The following XKR4 variants were observed in gnomAD, a reference collection of about 807,000 sequenced individuals.
XKR4 encodes XK related 4.
Under a neutral mutation model 53.9 loss-of-function variants are expected in XKR4, and 12 were observed. The observed-to-expected ratio is 0.22, with a 90% CI of 0.14 to 0.36. The LOEUF is 0.36. XKR4 is among the 10% of genes least tolerant of loss of function. The probability of loss-of-function intolerance (pLI) is 1.00; values close to 1 mark genes in which losing one functional copy is unlikely to be tolerated. For synonymous variants in XKR4, 354 were observed against 362.4 expected (o/e 0.98, Z 0.26); for missense variants, 799 against 859.5 (o/e 0.93, Z 0.88).
intron 1 of XKR4, among the ~76,000 whole-genome samples, chr8:55,202,909 T>C (rs985876183): frequency 4.6e-5 from 7 of 151,976 alleles, no homozygotes; most frequent in Non-Finnish European, 5.9e-5. Context: ...TGCTGGCTCG[T>C]ACACCCTGAC....
At chr8:55,376,642 A>G (rs189048037) in intron 2 of XKR4, among the ~76,000 whole-genome samples, 7 of 152,162 alleles carry the variant, frequency 4.6e-5, no homozygotes, top group Admixed American at 3.9e-4. Flanking sequence ...TGTCAGATGG[A>G]TAGACATCAA....
In XKR4 at chr8:55,213,856, C is replaced by CTTTTTT. The variant is rs11433893; in HGVS notation, c.806+110584_806+110589dup. Among the ~76,000 whole-genome samples the CTTTTTT allele has an allele frequency of 1.9e-3, 159 of 82,358 alleles. 4 individuals carry two copies. Among genetic ancestry groups the CTTTTTT allele is most frequent in the African/African-American group, 3.9e-3 (77 of 19,978 alleles). 54.0% of individuals were successfully genotyped at this position (82,358 alleles called of 152,430 possible). A position where few individuals can be genotyped will look rare whatever the true frequency, so the allele number is the denominator to read the frequency against. On this transcript the variant is annotated intron_variant, in intron 1 of 2. Transcript: ENST00000327381. ...TTAATACTTCTTTTTTTCTTTCTTT[C>CTTTTTT]TTTTTTTTTTTTTTTTTTTTTTTTT...
rs1585582274 is a variant in XKR4 at position 55,454,023 on chromosome 8, G to A, written c.1007-69258G>A. The A allele has an allele frequency of 4.5e-6, 4 of 892,752 alleles. No homozygotes were observed. In the Admixed American group the frequency reaches 5.8e-5, roughly 13 times the overall value. The allele number at this position is 892,752 out of a possible 1,614,324, so 55.3% of individuals were successfully genotyped here. ...GGCTCCGGGTGAATGCACACGACGT[G>A]CAGGCACCAGAGATAGCCCTGCAGC... On this transcript the variant is annotated intron_variant, in intron 2 of 2. Transcript: ENST00000327381.
intron 1 of XKR4, among the ~76,000 whole-genome samples, chr8:55,172,472 A>C (rs1026982426): frequency 2.6e-5 from 4 of 152,198 alleles, no homozygotes; most frequent in Admixed American, 6.5e-5. Context: ...TTTCAAAATT[A>C]ATAAAATATA....
At chr8:55,272,857 A>G in intron 1 of XKR4, 1 of 436,716 alleles carries the variant, frequency 2.3e-6, no homozygotes, top group South Asian at 1.7e-5. Flanking sequence ...AATTTTAATT[A>G]GCTGTAGAAT....
chr8:55,145,713 A>G (rs560304234), intron 1 of XKR4, among the ~76,000 whole-genome samples: 1 of 152,366 alleles, frequency 6.6e-6, no homozygotes, highest in South Asian at 2.1e-4. Context: ...GGATTTTGAA[A>G]TAAACTTCTC....
chr8:55,378,155 CAT>C (rs984126828), intron 2 of XKR4, among the ~76,000 whole-genome samples: 8 of 152,188 alleles, frequency 5.3e-5, no homozygotes, highest in African/African-American at 1.4e-4. Context: ...ACTACATTAA[CAT>C]GTGTAGAATA....
intron 2 of XKR4, among the ~76,000 whole-genome samples, chr8:55,410,730 G>T (rs1804764679): frequency 6.6e-6 from 1 of 152,052 alleles, no homozygotes; most frequent in Non-Finnish European, 1.5e-5. Flanking sequence ...TGACATCCAG[G>T]TTTCCTCCCT....
chr8:55,205,467 A>C (rs1385980514), intron 1 of XKR4, among the ~76,000 whole-genome samples: 1 of 152,250 alleles, frequency 6.6e-6, no homozygotes, highest in East Asian at 1.9e-4. Flanking sequence ...AAATGTACTT[A>C]GGATGACAAC....
chr8:55,352,716 C>G (rs1393857789), intron 1 of XKR4, among the ~76,000 whole-genome samples: 1 of 152,092 alleles, frequency 6.6e-6, no homozygotes, highest in African/African-American at 2.4e-5. Flanking sequence ...GTGATTTTCC[C>G]CCTTTAAAGA....
chr8:55,378,862 C>T (rs1283826460), intron 2 of XKR4, among the ~76,000 whole-genome samples: 1 of 152,156 alleles, frequency 6.6e-6, no homozygotes, highest in African/African-American at 2.4e-5. Flanking sequence ...TCCCAACACC[C>T]CCTTCTAGCT....
At chr8:55,521,278 C>T (rs191407219) in intron 2 of XKR4, among the ~76,000 whole-genome samples, 31 of 152,342 alleles carry the variant, frequency 2.0e-4, no homozygotes, top group Admixed American at 7.2e-4. Flanking sequence ...TTAAAAAAGG[C>T]ACAATCTTTT....
At chr8:55,228,261 A>G (rs1202563245) in intron 1 of XKR4, among the ~76,000 whole-genome samples, 1 of 152,198 alleles carries the variant, frequency 6.6e-6, no homozygotes, top group African/African-American at 2.4e-5. Context: ...TGAGACCATC[A>G]CAATAGAGAC....
chr8:55,451,457 C>T lies in XKR4; in HGVS notation c.1007-71824C>T, dbSNP rs570951760. The T allele has an allele frequency of 7.5e-5, 94 of 1,251,132 alleles. No individual in the cohort carries two copies. In the South Asian group the frequency reaches 7.8e-4, roughly 10 times the overall value. 77.5% of individuals were successfully genotyped at this position (1,251,132 alleles called of 1,614,324 possible). A position where few individuals can be genotyped will look rare whatever the true frequency, so the allele number is the denominator to read the frequency against. On this transcript the variant is annotated intron_variant, in intron 2 of 2. Coordinates refer to ENST00000327381, the MANE Select transcript of XKR4 (RefSeq NM_052898.2). ...CTGACAACAGCCTGCAGGTACTTCT[C>T]CTGCTCCAGGCTACTCGAGTCTGCC...
chr8:55,120,874 C>T (rs892591593), intron 1 of XKR4, among the ~76,000 whole-genome samples: 2 of 152,196 alleles, frequency 1.3e-5, no homozygotes, highest in African/African-American at 4.8e-5. Flanking sequence ...AATTCACCTT[C>T]CCTCCATCCC....
intron 1 of XKR4, among the ~76,000 whole-genome samples, chr8:55,343,185 G>A (rs1180961309): frequency 2.0e-5 from 3 of 152,192 alleles, no homozygotes; most frequent in African/African-American, 7.2e-5. Context: ...GTTTTCAACA[G>A]CCCATTTACC....
Position 55,522,886 on chromosome 8 carries a change from G to C in XKR4, c.1007-395G>C, listed in dbSNP as rs112396273. ...TATTAGCTTCATGACTTCTCCATAT[G>C]GGTGAGCCTTAGAGAAGACAGATAC... On this transcript the variant is annotated intron_variant, in intron 2 of 2. Transcript: ENST00000327381. Among the ~76,000 whole-genome samples the C allele has an allele frequency of 9.7e-3, 1,479 of 152,278 alleles. 22 individuals carry two copies. Among genetic ancestry groups the C allele is most frequent in the African/African-American group, 0.033 (1,388 of 41,558 alleles).
At position 55,263,237 on chromosome 8, in the gene XKR4, A is replaced by C. The variant is rs78679972; in HGVS notation, c.807-94441A>C. 4.6e-3 allele frequency among the ~76,000 whole-genome samples: 703 copies of C among 152,266 alleles called. 6 individuals carry two copies. Among genetic ancestry groups the C allele is most frequent in the African/African-American group, 0.016 (656 of 41,558 alleles). On this transcript the variant is annotated intron_variant, in intron 1 of 2. Transcript: ENST00000327381. ...ATGGCACATGGAGTGTCACTACCCC[A>C]TGTGGGGAGCATTAGTGTCCCACTC...
intron 2 of XKR4, among the ~76,000 whole-genome samples, chr8:55,461,121 G>C (rs931119183): frequency 6.6e-6 from 1 of 152,246 alleles, no homozygotes; most frequent in African/African-American, 2.4e-5. Context: ...GCTTTGAAGA[G>C]AGTAGTGGTT....
Sources: gnomAD v4.1 joint callset for allele counts (sites outside exome capture counted in the v4.1 genomes callset) on GRCh38, gnomAD v4.1.1 for gene constraint, MANE v1.5 for transcripts, NCBI Gene and HGNC (gene_info 2026-07-23, HGNC 2026-07-21) for gene names.